NTN1: variants seen among roughly 807,000 people sequenced by gnomAD.
The protein encoded by NTN1 is netrin-1.
NTN1 carries 11 observed loss-of-function variants against 54.2 expected under a neutral mutation model. That is an observed-to-expected ratio of 0.20 (90% CI 0.13 to 0.34). The LOEUF is 0.34. Ranked by LOEUF, NTN1 falls within the 10% of genes least tolerant of loss-of-function variation. The pLI is 1.00. For missense variants in NTN1, 740 were observed against 893.1 expected, an observed-to-expected ratio of 0.83 and a Z score of 2.18; for synonymous variants, 371 against 382.0, an observed-to-expected ratio of 0.97 and a Z score of 0.33.
chr17:9,035,269 G>A (rs577106925), intron 2 of NTN1, among the ~76,000 whole-genome samples: 2 of 152,220 alleles, frequency 1.3e-5, no homozygotes, highest in South Asian at 4.1e-4. Flanking sequence ...TTTTGAACTT[G>A]GTATAAATGG....
At chr17:9,210,473 T>C (rs975330335) in intron 5 of NTN1, among the ~76,000 whole-genome samples, 8 of 151,386 alleles carry the variant, frequency 5.3e-5, no homozygotes, top group African/African-American at 1.9e-4. Context: ...CACACTCTTC[T>C]GCTGTCTCCT....
In NTN1 at chr17:9,221,428, G is replaced by A. The variant is rs1163373563; in HGVS notation, c.1486+186G>A. On this transcript the variant is annotated intron_variant, in intron 6 of 6. Coordinates refer to ENST00000173229, the MANE Select transcript of NTN1 (RefSeq NM_004822.3). This position sits in a 1 kb window ranked among gnomAD's most constrained non-coding sequence, Gnocchi z 4.5. Reference sequence around the variant, plus strand: ...CTTTTCCTCCTTGGCCCTCAGAGACGGGGGCATGAGGAGCCCAGTGGCCTG... The same window carrying A: ...CTTTTCCTCCTTGGCCCTCAGAGACAGGGGCATGAGGAGCCCAGTGGCCTG... Among the ~76,000 whole-genome samples, 1 of 152,182 alleles carries A rather than the reference G, an allele frequency of 6.6e-6. No homozygotes were observed. The highest frequency in any genetic ancestry group is 2.4e-5 in the African/African-American group (1 of 41,438).
the NTN1 span, among the ~76,000 whole-genome samples, chr17:9,008,373 C>T: frequency 2.1e-3 from 317 of 152,184 alleles, 1 homozygote; most frequent in African/African-American, 7.2e-3. Context: ...GGCTGGAGTG[C>T]AGTGGTGCGA....
chr17:9,066,543 G>A (rs1418828212), intron 2 of NTN1, among the ~76,000 whole-genome samples: 4 of 151,900 alleles, frequency 2.6e-5, no homozygotes, highest in East Asian at 3.9e-4. Flanking sequence ...CAGGAGAATC[G>A]CTTGAATCTT....
At chr17:9,079,558 T>C (rs1317864262) in intron 2 of NTN1, among the ~76,000 whole-genome samples, 1 of 152,162 alleles carries the variant, frequency 6.6e-6, no homozygotes, top group Non-Finnish European at 1.5e-5. Flanking sequence ...TTTCTGGCCC[T>C]TGAGGAAGTG....
intron 1 of NTN1, among the ~76,000 whole-genome samples, chr17:9,021,947 A>T (rs1163929370): frequency 6.6e-6 from 1 of 151,976 alleles, no homozygotes; most frequent in African/African-American, 2.4e-5. Context: ...CTGCGAGACG[A>T]AGGGGCGCGG....
At chr17:9,146,755 G>A (rs73252066) in intron 2 of NTN1, among the ~76,000 whole-genome samples, 1 of 152,180 alleles carries the variant, frequency 6.6e-6, no homozygotes, top group Non-Finnish European at 1.5e-5. Flanking sequence ...GAGGAGGAAA[G>A]TGAGGGGCTA....
At chr17:9,195,027 C>G (rs1904586227) in intron 5 of NTN1, among the ~76,000 whole-genome samples, 1 of 152,092 alleles carries the variant, frequency 6.6e-6, no homozygotes, top group Non-Finnish European at 1.5e-5. Flanking sequence ...CTGTCTGTCT[C>G]CCTCTCTCTC....
intron 2 of NTN1, among the ~76,000 whole-genome samples, chr17:9,143,634 TTTCTATGTTG>T (rs1315151884): frequency 5.3e-5 from 8 of 152,226 alleles, no homozygotes; most frequent in African/African-American, 1.9e-4. Context: ...GGTGTCTTTC[TTTCTATGTTG>T]TTCTTGACTG....
chr17:9,015,098 C>T, the NTN1 span, among the ~76,000 whole-genome samples: 3 of 152,154 alleles, frequency 2.0e-5, no homozygotes, highest in Non-Finnish European at 2.9e-5. Context: ...GTAAATGTTA[C>T]ACATAATGCT....
chr17:9,066,909 G>A (rs945981093), intron 2 of NTN1, among the ~76,000 whole-genome samples: 1 of 150,212 alleles, frequency 6.7e-6, no homozygotes, highest in Non-Finnish European at 1.5e-5. Context: ...GCTGAGGCAG[G>A]AGGATCACTT....
chr17:9,158,105 A>G (rs1567724388), intron 2 of NTN1, among the ~76,000 whole-genome samples: 1 of 152,232 alleles, frequency 6.6e-6, no homozygotes, highest in Non-Finnish European at 1.5e-5. Context: ...AATACTTTGC[A>G]GAAGTCTGAG....
intron 2 of NTN1, among the ~76,000 whole-genome samples, chr17:9,147,257 G>A (rs1279845071): frequency 6.6e-6 from 1 of 152,232 alleles, no homozygotes. Context: ...TATTAACAAG[G>A]CCATTTGGGA....
chr17:9,105,187 G>A (rs1291167655), intron 2 of NTN1, among the ~76,000 whole-genome samples: 2 of 152,194 alleles, frequency 1.3e-5, no homozygotes, highest in South Asian at 4.1e-4. Flanking sequence ...TTTAGGAAGA[G>A]CCCCCAGGAA....
chr17:9,216,255 C>G (rs978129789), intron 5 of NTN1, among the ~76,000 whole-genome samples: 1 of 152,250 alleles, frequency 6.6e-6, no homozygotes, highest in Non-Finnish European at 1.5e-5. Context: ...ACACCCAGCC[C>G]TTCTGAAGGG....
rs146239655 is a variant in NTN1, at chr17:9,059,468, C to T, written c.1018+36077C>T. On this transcript the variant is annotated intron_variant, in intron 2 of 6. Transcript: ENST00000173229. ...AACAAAATATGGTCTATCCACCCTACGTAATATCACTCAGCCAGAAAAGGG... is the reference window on the plus strand; with the variant it reads ...AACAAAATATGGTCTATCCACCCTATGTAATATCACTCAGCCAGAAAAGGG... Among the ~76,000 whole-genome samples the T allele has an allele frequency of 1.2e-4, 18 of 152,326 alleles. No homozygotes were observed. In the East Asian group the frequency reaches 3.1e-3, roughly 26 times the overall value.
intron 6 of NTN1, among the ~76,000 whole-genome samples, chr17:9,227,375 CACACACCA>C (rs1905610950): frequency 1.9e-5 from 1 of 53,032 alleles, no homozygotes; most frequent in African/African-American, 9.3e-5. Context: ...CACACACCAT[CACACACCA>C]CACACTATCA....
intron 2 of NTN1, among the ~76,000 whole-genome samples, chr17:9,023,966 G>T (rs1255286521): frequency 5.3e-5 from 8 of 152,226 alleles, no homozygotes; most frequent in Admixed American, 2.6e-4. Context: ...GCGTGTTTGT[G>T]TTAGCAAAAG....
intron 5 of NTN1, among the ~76,000 whole-genome samples, chr17:9,197,673 A>G (rs11652431): frequency 6.9e-6 from 1 of 145,134 alleles, no homozygotes; most frequent in Admixed American, 6.8e-5. Context: ...AAAAAAAAAA[A>G]GAAGGAAGAA....
Sources: allele counts gnomAD v4.1 joint callset (sites outside exome capture counted in the v4.1 genomes callset), GRCh38; gene constraint gnomAD v4.1.1; non-coding constraint Gnocchi (gnomAD v3.1); transcripts MANE v1.5; gene names NCBI Gene and HGNC (gene_info 2026-07-23, HGNC 2026-07-21).